The following DDX20 variants were observed in gnomAD, a reference collection of about 807,000 sequenced individuals.
DDX20 encodes the protein probable ATP-dependent RNA helicase DDX20.
A neutral mutation model predicts 76.4 loss-of-function variants in DDX20; 61 were observed. The ratio of observed to expected loss-of-function variants is 0.80; its 90% confidence interval spans 0.65 to 0.99. The LOEUF (loss-of-function observed/expected upper bound fraction) is 0.99. Ranked by LOEUF, DDX20 falls within the 50% of genes least tolerant of loss-of-function variation. The probability of loss-of-function intolerance (pLI) is 0.00; values close to 1 mark genes in which losing one functional copy is unlikely to be tolerated. For synonymous variants in DDX20, 357 were observed against 357.4 expected, an observed-to-expected ratio of 1.00 and a Z score of 0.01; for missense variants, 976 against 996.8, an observed-to-expected ratio of 0.98 and a Z score of 0.28.
rs546838397 is a variant in DDX20, at chr1:111,765,697, G to C, written c.1313-40G>C. 4.6e-6 allele frequency: 7 copies of C among 1,507,744 alleles called. No individual in the cohort carries two copies. In the East Asian group the frequency reaches 1.6e-4, roughly 34 times the overall value. The allele number at this position is 1,507,744 out of a possible 1,614,324, so 93.4% of individuals were successfully genotyped here. Reference sequence around the variant, plus strand: ...ATTCAGAAAACAGTGGTCTAGAGTAGCTTGAGAATTTTAATACATTTTTCT... The same window carrying C: ...ATTCAGAAAACAGTGGTCTAGAGTACCTTGAGAATTTTAATACATTTTTCT... On this transcript the variant is annotated intron_variant, in intron 10 of 10. Coordinates refer to ENST00000369702, the MANE Select transcript of DDX20 (RefSeq NM_007204.5).
chr1:111,762,122 A>G, intron 7 of DDX20, 133 bp from the exon 8 acceptor site: 1 of 625,056 alleles, frequency 1.6e-6, no homozygotes, highest in Non-Finnish European at 2.8e-6. Flanking sequence ...ATTTGCACAG[A>G]AGGACAGAAT....
rs1352448407 is a variant in DDX20 at position 111,765,811 on chromosome 1, G to A, written c.1387G>A (p.Gly463Ser). ...VEVKAAVHTYGIASVPNQPLK... is the reference protein window; with the variant it reads ...VEVKAAVHTYSIASVPNQPLK... Reference sequence around the variant, plus strand: ...AGTTAAAGCTGCTGTGCATACATATGGTATAGCAAGTGTACCTAACCAACC... The same window carrying A: ...AGTTAAAGCTGCTGTGCATACATATAGTATAGCAAGTGTACCTAACCAACC... Residue 463 changes from glycine to serine, a missense_variant, in exon 11 of 11, where the codon GGT becomes AGT. Gly to Ser is a moderately conservative substitution (Grantham distance 56). This residue lies in a region of DDX20 where 630 missense variants were observed against 693.7 expected (regional missense o/e 0.91). Transcript: ENST00000369702. 3.7e-6 allele frequency: 6 copies of A among 1,613,654 alleles called. No homozygotes were observed. The highest frequency in any genetic ancestry group is 5.1e-6 in the Non-Finnish European group (6 of 1,179,906).
chr1:111,760,969 G>A lies in DDX20; in HGVS notation c.824-18G>A. On this transcript the variant is annotated intron_variant, in intron 5 of 10. Coordinates refer to ENST00000369702, the MANE Select transcript of DDX20 (RefSeq NM_007204.5). ...ATTAGCATATATATTTGTTTTAACT[G>A]ATAGCTCTTCTTTGTAGGTTTGAAG... The A allele has an allele frequency of 6.2e-7, 1 of 1,609,332 alleles. No individual in the cohort carries two copies. The highest frequency in any genetic ancestry group is 8.5e-7 in the Non-Finnish European group (1 of 1,178,386).
intron 2 of DDX20, among the ~76,000 whole-genome samples, chr1:111,758,136 G>A (rs1663601348): frequency 1.3e-5 from 2 of 152,170 alleles, no homozygotes; most frequent in South Asian, 2.1e-4. Flanking sequence ...GGGATCACAA[G>A]TGTGAGCCAC....
chr1:111,764,626 A>G (rs1663742770), intron 10 of DDX20, among the ~76,000 whole-genome samples: 1 of 152,218 alleles, frequency 6.6e-6, no homozygotes, highest in African/African-American at 2.4e-5. Flanking sequence ...AAAAAAATTG[A>G]AAATTGGTAG....
rs1663547946 is a variant in DDX20, at chr1:111,756,193, T to C, written c.269T>C (p.Leu90Pro). 2 of 1,493,170 alleles carry C rather than the reference T, an allele frequency of 1.3e-6. No individual in the cohort carries two copies. The highest frequency in any genetic ancestry group is 1.8e-6 in the Non-Finnish European group (2 of 1,124,328). 92.5% of individuals were successfully genotyped at this position (1,493,170 alleles called of 1,614,324 possible). A position where few individuals can be genotyped will look rare whatever the true frequency, so the allele number is the denominator to read the frequency against. The change falls in exon 1 of 11, where the codon CTC becomes CCC. Residue 90 changes from leucine to proline, a missense_variant. Leu to Pro is a moderately conservative substitution (Grantham distance 98). Coordinates refer to ENST00000369702, the MANE Select transcript of DDX20 (RefSeq NM_007204.5). ...TTCGAGAGGCCCTCGCCGGTGCAGC[T>C]CAAGGCCATCCCGTTGGGGCGCTGC... ...AGFERPSPVQLKAIPLGRCGL... is the reference protein window; with the variant it reads ...AGFERPSPVQPKAIPLGRCGL...
At chr1:111,759,113 AAAT>A (rs1379752489) in intron 2 of DDX20, among the ~76,000 whole-genome samples, 8 of 152,248 alleles carry the variant, frequency 5.3e-5, no homozygotes, top group Non-Finnish European at 1.2e-4. Flanking sequence ...TAGGTATTAT[AAAT>A]AATCTAGAGA....
At chr1:111,758,899 TCTTA>T (rs1268113489) in intron 2 of DDX20, among the ~76,000 whole-genome samples, 2 of 152,234 alleles carry the variant, frequency 1.3e-5, no homozygotes, top group Non-Finnish European at 2.9e-5. Flanking sequence ...CAGAGTAGGT[TCTTA>T]CTTAATATTT....
chr1:111,760,525 G>C lies in DDX20; in HGVS notation c.617G>C (p.Arg206Pro). The C allele has an allele frequency of 6.2e-7, 1 of 1,612,858 alleles. No individual in the cohort carries two copies. The highest frequency in any genetic ancestry group is 8.5e-7 in the Non-Finnish European group (1 of 1,179,740). The change falls in exon 4 of 11, where the codon CGC becomes CCC. Residue 206 changes from arginine to proline, a missense_variant. Arg to Pro is a moderately radical substitution (Grantham distance 103, BLOSUM62 -2). This residue lies in a region of DDX20 where 343 missense variants were observed against 286.4 expected (regional missense o/e 1.20). Transcript: ENST00000369702. Reference sequence around the variant, plus strand: ...GACTACTTGAACCCAGGCAGTATACGCCTCTTTATTCTTGATGAAGCAGAT... The same window carrying C: ...GACTACTTGAACCCAGGCAGTATACCCCTCTTTATTCTTGATGAAGCAGAT... ...ELDYLNPGSI[R>P]LFILDEADKL...
At chr1:111,762,649 A>T (rs373018178) in intron 8 of DDX20, 28 bp from the exon 9 acceptor site, 1 of 1,576,224 alleles carries the variant, frequency 6.3e-7, no homozygotes, top group Non-Finnish European at 8.7e-7. Context: ...TAATGCAAAC[A>T]AATAATTGCT....
At position 111,766,124 on chromosome 1, in the gene DDX20, C is replaced by G. The variant is rs369214881; in HGVS notation, c.1700C>G (p.Ala567Gly). ...AACAGTCAGCACCAGGTCAAAGAAG[C>G]TTTACCTGTGTCACTCCCCCAGATT... ...STNSQHQVKE[A>G]LPVSLPQIPC... Residue 567 changes from alanine to glycine, a missense_variant, in exon 11 of 11, where the codon GCT (alanine) becomes GGT (glycine). Physicochemically the swap from Ala to Gly is moderately conservative, Grantham distance 60. This residue lies in a region of DDX20 where 630 missense variants were observed against 693.7 expected (regional missense o/e 0.91). Transcript: ENST00000369702. 17 of 1,614,078 alleles carry G rather than the reference C, an allele frequency of 1.1e-5. No homozygotes were observed. In the African/African-American group the frequency reaches 1.7e-4, roughly 16 times the overall value.
At chr1:111,764,615 G>GA (rs1282031155) in intron 10 of DDX20, among the ~76,000 whole-genome samples, 1 of 152,128 alleles carries the variant, frequency 6.6e-6, no homozygotes, top group Non-Finnish European at 1.5e-5. Flanking sequence ...TCTGATATGG[G>GA]AAAAAAATTG....
At chr1:111,761,502 A>G (rs1663675135) in intron 7 of DDX20, 1 of 425,066 alleles carries the variant, frequency 2.4e-6, no homozygotes, top group Non-Finnish European at 4.2e-6. Flanking sequence ...AAGTTAGAAA[A>G]CTAGTGTTCA....
intron 1 of DDX20, 43 bp downstream of exon 1, chr1:111,756,268 G>GTCC: frequency 1.4e-6 from 1 of 739,120 alleles, no homozygotes; most frequent in Non-Finnish European, 2.0e-6. Context: ...TGGGGTGGGA[G>GTCC]AAGGGGGACC....
Position 111,766,124 on chromosome 1 carries a change from CT to C in DDX20, c.1703del (p.Leu568TyrfsTer22). ...AACAGTCAGCACCAGGTCAAAGAAG[CT>C]TTACCTGTGTCACTCCCCCAGATTC... The part of the protein sequence containing the change: ...STNSQHQVKE[A>X]LPVSLPQIPC... On this transcript the variant is annotated frameshift_variant, in exon 11 of 11. Transcript: ENST00000369702. LOFTEE classifies it high-confidence loss of function. The C allele has an allele frequency of 6.2e-7, 1 of 1,614,196 alleles. No homozygotes were observed. The highest frequency in any genetic ancestry group is 8.5e-7 in the Non-Finnish European group (1 of 1,180,028).
chr1:111,762,887 A>C lies in DDX20; in HGVS notation c.1211-19A>C. ...TTTTGTGAAAATGATTTACTACCTA[A>C]CATTCTCTCTGCTTTTAGGTACATT... On this transcript the variant is annotated intron_variant, in intron 9 of 10. Coordinates refer to ENST00000369702, the MANE Select transcript of DDX20 (RefSeq NM_007204.5). The C allele has an allele frequency of 6.2e-7, 1 of 1,607,268 alleles. No homozygotes were observed. Among genetic ancestry groups the C allele is most frequent in the Non-Finnish European group, 8.5e-7 (1 of 1,173,856 alleles).
In DDX20 at chr1:111,766,794, C is replaced by T. The variant is rs372581568; in HGVS notation, c.2370C>T (p.Ala790=). 1.2e-5 allele frequency: 20 copies of T among 1,613,978 alleles called. No individual in the cohort carries two copies. The highest frequency in any genetic ancestry group is 1.6e-4 in the Middle Eastern group (1 of 6,084). The change falls in exon 11 of 11, where the codon GCC becomes GCT. Residue 790 remains alanine, a synonymous_variant. Coordinates refer to ENST00000369702, the MANE Select transcript of DDX20 (RefSeq NM_007204.5). ...YYRAWQEYYA[A]ASHSYYWNAQ... ...GGGCATGGCAAGAATATTATGCTGC[C>T]GCTTCTCATTCATATTATTGGAATG...
intron 2 of DDX20, among the ~76,000 whole-genome samples, chr1:111,758,619 C>T (rs1046803029): frequency 6.6e-6 from 1 of 152,022 alleles, no homozygotes; most frequent in Admixed American, 6.5e-5. Flanking sequence ...TTGGTGAAAA[C>T]GCTTCCCCAG....
At chr1:111,756,436 T>A (rs1663556205) in intron 1 of DDX20, among the ~76,000 whole-genome samples, 1 of 152,228 alleles carries the variant, frequency 6.6e-6, no homozygotes. Context: ...GACCTTTTTT[T>A]AAGCACTGAC....
Sources: allele counts gnomAD v4.1 joint callset (sites outside exome capture counted in the v4.1 genomes callset), GRCh38; gene constraint gnomAD v4.1.1; regional missense constraint gnomAD v4.1.1; transcripts MANE v1.5; gene names NCBI Gene and HGNC (gene_info 2026-07-23, HGNC 2026-07-21).